TCERG1L: variants seen among roughly 807,000 people sequenced by gnomAD.
TCERG1L encodes transcription elongation regulator 1 like.
In TCERG1L, 37 loss-of-function variants were observed where a neutral mutation model predicts 56.3. The observed-to-expected ratio is 0.66, with a 90% confidence interval of 0.51 to 0.87. TCERG1L has a LOEUF of 0.87. Among genes scored for constraint, TCERG1L ranks in the 40% least tolerant of loss-of-function variants. The pLI is 0.00. For synonymous variants in TCERG1L, 324 were observed against 326.3 expected (o/e 0.99, Z 0.08); for missense variants, 799 against 774.2 (o/e 1.03, Z -0.38).
chr10:131,167,016 G>A, intron 4 of TCERG1L, 131 bp from the exon 5 acceptor site: 1 of 741,024 alleles, frequency 1.3e-6, no homozygotes. Flanking sequence ...CCACAGAAAG[G>A]TGGCATTGCC....
At chr10:131,127,067 C>T (rs1219734112) in intron 8 of TCERG1L, among the ~76,000 whole-genome samples, 1 of 152,082 alleles carries the variant, frequency 6.6e-6, no homozygotes, top group Non-Finnish European at 1.5e-5. Flanking sequence ...GAGACACAGC[C>T]CAGTCACAGG....
intron 7 of TCERG1L, among the ~76,000 whole-genome samples, chr10:131,143,757 G>A (rs955186155): frequency 2.6e-5 from 4 of 152,110 alleles, no homozygotes; most frequent in South Asian, 4.1e-4. Flanking sequence ...GGCACGGAAC[G>A]GATGGGGCTG....
chr10:131,254,122 C>T (rs548428127), intron 4 of TCERG1L, among the ~76,000 whole-genome samples: 48 of 151,948 alleles, frequency 3.2e-4, no homozygotes, highest in South Asian at 4.2e-4. Context: ...AGGGGCCGGC[C>T]GTGTGAAGGT....
At chr10:131,160,372 G>A (rs1431398791) in intron 6 of TCERG1L, among the ~76,000 whole-genome samples, 1 of 151,996 alleles carries the variant, frequency 6.6e-6, no homozygotes. Flanking sequence ...CCAGGCCCAA[G>A]CCCTCACCCA....
intron 7 of TCERG1L, among the ~76,000 whole-genome samples, chr10:131,146,284 C>CGTGAT (rs1845793295): frequency 6.6e-6 from 1 of 152,176 alleles, no homozygotes; most frequent in African/African-American, 2.4e-5. Context: ...AATCACCTTA[C>CGTGAT]GTGATGCAAA....
chr10:131,130,573 C>T (rs917495143), intron 8 of TCERG1L, among the ~76,000 whole-genome samples: 2 of 152,348 alleles, frequency 1.3e-5, no homozygotes, highest in African/African-American at 2.4e-5. Context: ...TCTTCCTCCT[C>T]GTTCAAGTTG....
chr10:131,305,506 T>C (rs1467196160), intron 3 of TCERG1L, among the ~76,000 whole-genome samples: 2 of 152,036 alleles, frequency 1.3e-5, no homozygotes, highest in Non-Finnish European at 2.9e-5. Context: ...CAACAAACGA[T>C]CCAGTTCATT....
At chr10:131,186,439 A>G (rs1272803372) in intron 4 of TCERG1L, among the ~76,000 whole-genome samples, 1 of 152,242 alleles carries the variant, frequency 6.6e-6, no homozygotes, top group African/African-American at 2.4e-5. Context: ...TTGAACACCC[A>G]ACTCATAAGA....
At chr10:131,305,108 G>A (rs997578252) in intron 3 of TCERG1L, among the ~76,000 whole-genome samples, 3 of 152,024 alleles carry the variant, frequency 2.0e-5, no homozygotes, top group South Asian at 2.1e-4. Flanking sequence ...AGGATCCCCC[G>A]CTAAGGTTCT....
intron 3 of TCERG1L, among the ~76,000 whole-genome samples, chr10:131,264,581 C>A (rs577012842): frequency 6.6e-6 from 1 of 152,294 alleles, no homozygotes; most frequent in East Asian, 1.9e-4. Context: ...TCTTGCTTAG[C>A]CAGGCATGGC....
intron 4 of TCERG1L, among the ~76,000 whole-genome samples, chr10:131,238,556 G>A (rs993120053): frequency 1.3e-5 from 2 of 152,180 alleles, no homozygotes; most frequent in Non-Finnish European, 2.9e-5. Flanking sequence ...CCGAGGGAAC[G>A]GCTCCTGGAA....
intron 4 of TCERG1L, among the ~76,000 whole-genome samples, chr10:131,172,558 A>G (rs1846104641): frequency 6.6e-6 from 1 of 152,240 alleles, no homozygotes; most frequent in South Asian, 2.1e-4. Flanking sequence ...CCATTATGAA[A>G]AGGGTTCATG....
rs768095460 is a variant in TCERG1L, at chr10:131,260,349, G to A, written c.766C>T (p.Leu256Phe). ...AAMVSVDPEN[L>F]RGPSPSSVQP... ...ACGCTGGAGGGGGACGGGCCCCGGA[G>A]GTTCTCAGGGTCCACGGAGACCATG... The change falls in exon 4 of 12, where the codon CTC becomes TTC. Residue 256 changes from leucine (L) to phenylalanine (F), a missense_variant. By Grantham distance (22) the Leu-to-Phe change is conservative. Coordinates refer to ENST00000368642, the MANE Select transcript of TCERG1L (RefSeq NM_174937.4). The surrounding 1 kb of genome is among the most constrained non-coding windows in gnomAD (Gnocchi z 5.8). 1.9e-5 allele frequency: 28 copies of A among 1,485,524 alleles called. No homozygotes were observed. The highest frequency in any genetic ancestry group is 2.4e-5 in the Non-Finnish European group (27 of 1,126,460). 92.0% of individuals were successfully genotyped at this position (1,485,524 alleles called of 1,614,324 possible). A position where few individuals can be genotyped will look rare whatever the true frequency, so the allele number is the denominator to read the frequency against.
At chr10:131,207,807 G>A (rs958845940) in intron 4 of TCERG1L, among the ~76,000 whole-genome samples, 5 of 152,110 alleles carry the variant, frequency 3.3e-5, no homozygotes, top group Non-Finnish European at 7.3e-5. Context: ...TTGAAATACC[G>A]AGCGGGTGGT....
chr10:131,265,358 A>G (rs1301724959), intron 3 of TCERG1L, among the ~76,000 whole-genome samples: 1 of 152,248 alleles, frequency 6.6e-6, no homozygotes, highest in Non-Finnish European at 1.5e-5. Flanking sequence ...TAACACTCTG[A>G]TTCATTCACA....
chr10:131,238,743 A>T (rs1447997635), intron 4 of TCERG1L, among the ~76,000 whole-genome samples: 3 of 152,188 alleles, frequency 2.0e-5, no homozygotes, highest in African/African-American at 7.2e-5. Context: ...CCTCTTGCCA[A>T]ATGGTCCAAG....
intron 4 of TCERG1L, among the ~76,000 whole-genome samples, chr10:131,247,703 A>C (rs913533455): frequency 6.6e-6 from 1 of 152,154 alleles, no homozygotes; most frequent in African/African-American, 2.4e-5. Flanking sequence ...CCCATCATCC[A>C]TCCTTGATCA....
intron 3 of TCERG1L, among the ~76,000 whole-genome samples, chr10:131,269,154 T>C (rs1031354080): frequency 2.0e-5 from 3 of 151,966 alleles, no homozygotes; most frequent in Non-Finnish European, 4.4e-5. Flanking sequence ...GTAGTCGCCA[T>C]TGTAAGGGAT....
chr10:131,188,606 TG>T (rs1248165339), intron 4 of TCERG1L, among the ~76,000 whole-genome samples: 1 of 152,248 alleles, frequency 6.6e-6, no homozygotes, highest in Non-Finnish European at 1.5e-5. Flanking sequence ...ACAATTATTA[TG>T]GAAAATTTAA....
Sources: allele counts gnomAD v4.1 joint callset (sites outside exome capture counted in the v4.1 genomes callset), GRCh38; gene constraint gnomAD v4.1.1; non-coding constraint Gnocchi (gnomAD v3.1); transcripts MANE v1.5; gene names NCBI Gene and HGNC (gene_info 2026-07-23, HGNC 2026-07-21).